The following OVCH1 variants were observed in gnomAD, a reference collection of about 807,000 sequenced individuals.
The protein encoded by OVCH1 is ovochymase 1.
In OVCH1, 139 loss-of-function variants were observed where a neutral mutation model predicts 138.4. The observed-to-expected ratio is 1.00, with a 90% CI of 0.87 to 1.16. The LOEUF (loss-of-function observed/expected upper bound fraction) is 1.16, where lower values mean the gene tolerates loss of function less well. Ranked by LOEUF, OVCH1 falls within the 50% of genes most tolerant of loss-of-function variation. The pLI is 0.00. For synonymous variants in OVCH1, 453 were observed against 467.8 expected (o/e 0.97, Z 0.41); for missense variants, 1,367 against 1,357.9 (o/e 1.01, Z -0.11).
chr12:29,404,018 T>C, the OVCH1 span, among the ~76,000 whole-genome samples: 3 of 152,240 alleles, frequency 2.0e-5, no homozygotes, highest in African/African-American at 7.2e-5. Flanking sequence ...ATATTGAATG[T>C]ACAAACACAC....
rs769863699 is a variant in OVCH1, at chr12:29,439,349, CATGAT to C, written c.3238_3242del (p.Ile1080AlafsTer9). ...TCACCACTGAATTTTCCCATATATG[CATGAT>C]ATATGTGTTAATAAAATTCAGTTTT... On this transcript the variant is annotated frameshift_variant, in exon 26 of 28. Transcript: ENST00000318184. LOFTEE classifies it high-confidence loss of function. 2.6e-6 allele frequency: 4 copies of C among 1,552,836 alleles called. 1 individual carries two copies. In the South Asian group the frequency reaches 3.8e-5, roughly 15 times the overall value.
chr12:29,412,094 G>T (rs1052612468), downstream of OVCH1, among the ~76,000 whole-genome samples: 2 of 152,084 alleles, frequency 1.3e-5, no homozygotes, highest in African/African-American at 2.4e-5. Context: ...CTCCATGGGC[G>T]TAGGACCCTC....
At chr12:29,477,446 A>G (rs778555687) in exon 11 of OVCH1, 2 of 1,613,972 alleles carry the variant, frequency 1.2e-6, no homozygotes, top group South Asian at 1.1e-5. Flanking sequence ...TCTGCCAGCA[A>G]TGGTGAAGGC....
intron 26 of OVCH1, among the ~76,000 whole-genome samples, chr12:29,434,052 T>A (rs780023596): frequency 1.3e-5 from 2 of 152,198 alleles, no homozygotes; most frequent in Non-Finnish European, 2.9e-5. Flanking sequence ...TAATTTGCAA[T>A]AGTTACCCGT....
chr12:29,449,198 T>A (rs1941703437), intron 22 of OVCH1, among the ~76,000 whole-genome samples: 1 of 151,584 alleles, frequency 6.6e-6, no homozygotes, highest in Admixed American at 6.6e-5. Flanking sequence ...TCTTTTACAA[T>A]ATATATTCTT....
intron 3 of OVCH1, among the ~76,000 whole-genome samples, chr12:29,413,319 C>T (rs1940985105): frequency 6.6e-6 from 1 of 152,152 alleles, no homozygotes; most frequent in Non-Finnish European, 1.5e-5. Context: ...ATGTGAAGCT[C>T]TTGGTTTCTC....
At chr12:29,450,714 C>T (rs1941763851) in intron 22 of OVCH1, among the ~76,000 whole-genome samples, 1 of 152,114 alleles carries the variant, frequency 6.6e-6, no homozygotes, top group African/African-American at 2.4e-5. Flanking sequence ...GACACATGCA[C>T]ATGTATGTTT....
At chr12:29,462,672 T>C (rs938895927) in intron 18 of OVCH1, among the ~76,000 whole-genome samples, 11 of 152,118 alleles carry the variant, frequency 7.2e-5, no homozygotes, top group Non-Finnish European at 1.6e-4. Context: ...ACAAGTACTT[T>C]ACATTTATAT....
intron 21 of OVCH1, 35 bp from the exon 22 acceptor site, chr12:29,451,604 CATAA>C: frequency 6.6e-7 from 1 of 1,523,878 alleles, no homozygotes; most frequent in Non-Finnish European, 8.9e-7. Context: ...CAGGGACCAA[CATAA>C]ATAAAGCAAA....
At chr12:29,481,129 C>T (rs1290147761) in intron 8 of OVCH1, among the ~76,000 whole-genome samples, 6 of 151,828 alleles carry the variant, frequency 4.0e-5, no homozygotes, top group South Asian at 2.1e-4. Flanking sequence ...TAGATCTGCA[C>T]GAGTATTAAC....
At chr12:29,445,916 G>T (rs1181938090) in intron 22 of OVCH1, among the ~76,000 whole-genome samples, 1 of 152,088 alleles carries the variant, frequency 6.6e-6, no homozygotes, top group African/African-American at 2.4e-5. Flanking sequence ...GAAAGAACCT[G>T]TGAGTTTCTT....
At chr12:29,472,110 C>T (rs1942533304) in intron 15 of OVCH1, 128 bp from the exon 16 acceptor site, 2 of 1,016,120 alleles carry the variant, frequency 2.0e-6, no homozygotes, top group Non-Finnish European at 2.7e-6. Flanking sequence ...ATATTGACTC[C>T]CAAAACTCAC....
intron 19 of OVCH1, among the ~76,000 whole-genome samples, chr12:29,456,748 T>C (rs751116313): frequency 6.6e-6 from 1 of 152,222 alleles, no homozygotes; most frequent in Non-Finnish European, 1.5e-5. Flanking sequence ...CTGATTCAAC[T>C]TTGTACCCTA....
chr12:29,490,534 T>C (rs1374358201), intron 5 of OVCH1, among the ~76,000 whole-genome samples: 2 of 152,224 alleles, frequency 1.3e-5, no homozygotes, highest in East Asian at 3.8e-4. Flanking sequence ...GTAATTAACA[T>C]TACATCACCC....
intron 22 of OVCH1, among the ~76,000 whole-genome samples, chr12:29,449,477 T>C (rs1941717339): frequency 6.6e-6 from 1 of 152,096 alleles, no homozygotes; most frequent in South Asian, 2.1e-4. Context: ...CACAATATTG[T>C]TGCTTTCTAT....
At chr12:29,411,790 T>G (rs1282099978), downstream of OVCH1, among the ~76,000 whole-genome samples, 3 of 54,980 alleles carry the variant, frequency 5.5e-5, no homozygotes, top group African/African-American at 1.2e-4. Context: ...CTGCCTGTTC[T>G]CAGATATCCA....
At chr12:29,491,580 C>T (rs933112551) in intron 4 of OVCH1, among the ~76,000 whole-genome samples, 4 of 151,840 alleles carry the variant, frequency 2.6e-5, no homozygotes, top group Admixed American at 1.3e-4. Context: ...ATTTAACTGG[C>T]CATGAGAGGA....
chr12:29,425,681 A>C (rs1392748438), downstream of OVCH1, among the ~76,000 whole-genome samples: 4 of 152,198 alleles, frequency 2.6e-5, no homozygotes, highest in African/African-American at 9.7e-5. Context: ...TAACCTACCT[A>C]CATAAGATTG....
At chr12:29,406,040 A>C in the OVCH1 span, among the ~76,000 whole-genome samples, 1 of 152,210 alleles carries the variant, frequency 6.6e-6, no homozygotes, top group Non-Finnish European at 1.5e-5. Context: ...CCAATCCATC[A>C]TTTCAGAAAA....
Sources: allele counts gnomAD v4.1 joint callset (sites outside exome capture counted in the v4.1 genomes callset), GRCh38; gene constraint gnomAD v4.1.1; transcripts MANE v1.5; gene names NCBI Gene and HGNC (gene_info 2026-07-23, HGNC 2026-07-21).